Variants in MACROD2 observed in about 807,000 individuals in gnomAD.
MACROD2 encodes the protein ADP-ribose glycohydrolase MACROD2.
MACROD2 carries 36 observed loss-of-function variants against 70.4 expected under a neutral mutation model. The ratio of observed to expected loss-of-function variants is 0.51; its 90% CI spans 0.39 to 0.68. The LOEUF (loss-of-function observed/expected upper bound fraction) is 0.68, where lower values mean the gene tolerates loss of function less well. MACROD2 is among the 30% of genes least tolerant of loss of function. The pLI is 0.00. For missense variants in MACROD2, 496 were observed against 538.4 expected (o/e 0.92, Z 0.78); for synonymous variants, 172 against 178.8 (o/e 0.96, Z 0.30).
chr20:14,078,121 C>T (rs571608276), intron 2 of MACROD2, among the ~76,000 whole-genome samples: 3 of 152,090 alleles, frequency 2.0e-5, no homozygotes, highest in East Asian at 3.9e-4. Flanking sequence ...AGGCTGATCT[C>T]GAACTTCCGA....
At chr20:14,429,004 T>A (rs1303706396) in intron 3 of MACROD2, among the ~76,000 whole-genome samples, 1 of 152,184 alleles carries the variant, frequency 6.6e-6, no homozygotes, top group East Asian at 1.9e-4. Flanking sequence ...AATTTAGGAC[T>A]GATACAGTGA....
intron 5 of MACROD2, chr20:14,757,704 T>C: frequency 6.7e-7 from 1 of 1,482,302 alleles, no homozygotes; most frequent in Non-Finnish European, 9.4e-7. Flanking sequence ...ATAAAGGCCA[T>C]GCAGTCTCTC....
At chr20:14,945,220 C>G (rs1488233640) in intron 5 of MACROD2, among the ~76,000 whole-genome samples, 1 of 151,692 alleles carries the variant, frequency 6.6e-6, no homozygotes. Context: ...CAGGTTCAAG[C>G]GATTCTCCTG....
intron 5 of MACROD2, among the ~76,000 whole-genome samples, chr20:15,045,719 G>GGT (rs1555777151): frequency 1.4e-5 from 1 of 73,384 alleles, no homozygotes; most frequent in Non-Finnish European, 2.5e-5. Flanking sequence ...CCAGACCAGG[G>GGT]TTTTTTTTTT....
intron 5 of MACROD2, among the ~76,000 whole-genome samples, chr20:14,897,381 A>G (rs6135298): frequency 0.19 from 29,117 of 152,128 alleles, 2,997 homozygotes; most frequent in African/African-American, 0.22. Flanking sequence ...ATAATAATAT[A>G]CTTTTCTGGT....
At chr20:14,184,204 G>A (rs529355740) in intron 3 of MACROD2, among the ~76,000 whole-genome samples, 1 of 152,208 alleles carries the variant, frequency 6.6e-6, no homozygotes, top group African/African-American at 2.4e-5. Flanking sequence ...AGTTGAATTT[G>A]TATGTGGTGT....
At chr20:14,244,943 A>G (rs111781123) in intron 3 of MACROD2, among the ~76,000 whole-genome samples, 26 of 152,324 alleles carry the variant, frequency 1.7e-4, no homozygotes, top group African/African-American at 6.3e-4. Flanking sequence ...CATTTTGTTT[A>G]TTGAGCCTGA....
intron 3 of MACROD2, among the ~76,000 whole-genome samples, chr20:14,470,740 A>G (rs928873206): frequency 6.6e-6 from 1 of 151,998 alleles, no homozygotes; most frequent in African/African-American, 2.4e-5. Flanking sequence ...AAAACTGCCT[A>G]CTCAAGCGTC....
At chr20:14,757,889 G>A in intron 5 of MACROD2, 1 of 1,392,804 alleles carries the variant, frequency 7.2e-7, no homozygotes, top group Non-Finnish European at 1.0e-6. Flanking sequence ...AGGTCTGAAG[G>A]GTGAGTGACC....
intron 8 of MACROD2, among the ~76,000 whole-genome samples, chr20:15,559,284 GAAGGT>G (rs2048211310): frequency 1.4e-5 from 2 of 148,030 alleles, no homozygotes; most frequent in South Asian, 4.4e-4. Flanking sequence ...ATGTGTGGAT[GAAGGT>G]AAGAGCCTAG....
At chr20:14,429,349 G>A (rs1428011960) in intron 3 of MACROD2, among the ~76,000 whole-genome samples, 1 of 151,872 alleles carries the variant, frequency 6.6e-6, no homozygotes, top group Non-Finnish European at 1.5e-5. Flanking sequence ...GGTCCTGTTA[G>A]GTAAAAGTTT....
intron 6 of MACROD2, among the ~76,000 whole-genome samples, chr20:15,264,859 T>A (rs2077279093): frequency 6.6e-6 from 1 of 151,916 alleles, no homozygotes; most frequent in African/African-American, 2.4e-5. Context: ...AGAAAGAGGA[T>A]AGTGAGATGG....
chr20:15,232,670 T>C (rs1355315663), intron 6 of MACROD2, among the ~76,000 whole-genome samples: 1 of 152,080 alleles, frequency 6.6e-6, no homozygotes, highest in Non-Finnish European at 1.5e-5. Context: ...TTTAAGGAAA[T>C]ATCACTTATT....
At chr20:14,766,443 T>C (rs775257599) in intron 5 of MACROD2, among the ~76,000 whole-genome samples, 33 of 152,116 alleles carry the variant, frequency 2.2e-4, no homozygotes, top group Non-Finnish European at 3.8e-4. Context: ...GGCAATTTTA[T>C]GGCAGCGCCA....
intron 5 of MACROD2, among the ~76,000 whole-genome samples, chr20:14,998,989 G>A (rs2122891150): frequency 6.6e-6 from 1 of 152,350 alleles, no homozygotes; most frequent in East Asian, 1.9e-4. Context: ...CATATTTAAA[G>A]TGCTGAAGGC....
chr20:15,524,844 C>T (rs547546059), intron 8 of MACROD2, among the ~76,000 whole-genome samples: 4 of 152,180 alleles, frequency 2.6e-5, no homozygotes, highest in Non-Finnish European at 5.9e-5. Flanking sequence ...TTCAAGGACT[C>T]AATAGTCACA....
chr20:15,498,034 G>A (rs1166647512), intron 7 of MACROD2, among the ~76,000 whole-genome samples: 1 of 152,162 alleles, frequency 6.6e-6, no homozygotes, highest in Non-Finnish European at 1.5e-5. Flanking sequence ...AAACGAATAG[G>A]ATTAAACAAT....
At chr20:14,753,615 A>G (rs915274015) in intron 5 of MACROD2, among the ~76,000 whole-genome samples, 6 of 152,104 alleles carry the variant, frequency 3.9e-5, no homozygotes, top group Non-Finnish European at 8.8e-5. Context: ...CTGTTTAAAA[A>G]AAGTCATACG....
At chr20:15,412,296 AAAAG>A (rs796945523) in intron 6 of MACROD2, among the ~76,000 whole-genome samples, 5 of 152,312 alleles carry the variant, frequency 3.3e-5, no homozygotes, top group African/African-American at 1.2e-4. Flanking sequence ...AAAAAAAAGA[AAAAG>A]AAAAGCTGAC....
Sources: allele counts gnomAD v4.1 joint callset (sites outside exome capture counted in the v4.1 genomes callset), GRCh38; gene constraint gnomAD v4.1.1; transcripts MANE v1.5; gene names NCBI Gene and HGNC (gene_info 2026-07-23, HGNC 2026-07-21).